REDIC1: variants seen among roughly 807,000 people sequenced by gnomAD.
REDIC1 encodes the protein HEI10 Interacting Protein 1.
chr12:39,792,310 C>T, the REDIC1 span, among the ~76,000 whole-genome samples: 194 of 150,160 alleles, frequency 1.3e-3, no homozygotes, highest in African/African-American at 4.1e-3. Flanking sequence ...AGGACACAGG[C>T]GTGGGCAAGG....
the REDIC1 span, among the ~76,000 whole-genome samples, chr12:39,879,503 A>G: frequency 6.6e-5 from 10 of 152,238 alleles, no homozygotes; most frequent in African/African-American, 2.4e-4. Flanking sequence ...CTGGATGTGG[A>G]ACATGCAGTC....
chr12:39,896,726 C>A, the REDIC1 span, among the ~76,000 whole-genome samples: 1 of 151,832 alleles, frequency 6.6e-6, no homozygotes, highest in Non-Finnish European at 1.5e-5. Flanking sequence ...TTATAGTATA[C>A]CCTAATAAAA....
At chr12:39,732,044 C>A in the REDIC1 span, among the ~76,000 whole-genome samples, 1 of 152,158 alleles carries the variant, frequency 6.6e-6, no homozygotes, top group Non-Finnish European at 1.5e-5. Flanking sequence ...CCAAAAGTAA[C>A]CATGATCTTG....
At chr12:39,757,080 C>T in the REDIC1 span, 2 of 151,672 alleles carry the variant, frequency 1.3e-5, no homozygotes, top group Admixed American at 6.6e-5. Flanking sequence ...AAATTATTAA[C>T]GGCAAACCCT....
At chr12:39,838,163 A>T in the REDIC1 span, among the ~76,000 whole-genome samples, 1 of 149,668 alleles carries the variant, frequency 6.7e-6, no homozygotes, top group Non-Finnish European at 1.5e-5. Context: ...ACGCAGCCAT[A>T]AAAAAGGATG....
chr12:39,877,793 C>A, the REDIC1 span, among the ~76,000 whole-genome samples: 1 of 152,140 alleles, frequency 6.6e-6, no homozygotes, highest in African/African-American at 2.4e-5. Context: ...TGAATTTCTT[C>A]TCAAAAAATA....
chr12:39,710,903 AT>A, the REDIC1 span, among the ~76,000 whole-genome samples: 2 of 150,946 alleles, frequency 1.3e-5, no homozygotes, highest in Non-Finnish European at 3.0e-5. Context: ...TTTTTTTTTA[AT>A]TTTTACCACA....
chr12:39,899,019 T>A, the REDIC1 span, among the ~76,000 whole-genome samples: 1 of 152,120 alleles, frequency 6.6e-6, no homozygotes, highest in Non-Finnish European at 1.5e-5. Flanking sequence ...GAGGATTCCC[T>A]CTTTTTCTAT....
the REDIC1 span, among the ~76,000 whole-genome samples, chr12:39,839,307 A>G: frequency 6.6e-6 from 1 of 152,052 alleles, no homozygotes; most frequent in Admixed American, 6.6e-5. Context: ...GCCAGAGCAT[A>G]GATGTCGGTT....
At chr12:39,731,735 C>T in the REDIC1 span, among the ~76,000 whole-genome samples, 2 of 152,098 alleles carry the variant, frequency 1.3e-5, no homozygotes, top group Admixed American at 6.6e-5. Context: ...TTTAACTCCG[C>T]TGAAGTTGTG....
the REDIC1 span, among the ~76,000 whole-genome samples, chr12:39,643,447 C>T: frequency 6.6e-6 from 1 of 151,452 alleles, no homozygotes; most frequent in Admixed American, 6.6e-5. Context: ...AAAACAAGAA[C>T]AAGATTTTAG....
chr12:39,631,928 G>A, the REDIC1 span, among the ~76,000 whole-genome samples: 1 of 152,060 alleles, frequency 6.6e-6, no homozygotes, highest in South Asian at 2.1e-4. Context: ...TTAAGTAATT[G>A]ATGATAGCAC....
chr12:39,704,033 A>G, the REDIC1 span, among the ~76,000 whole-genome samples: 1 of 152,242 alleles, frequency 6.6e-6, no homozygotes, highest in Non-Finnish European at 1.5e-5. Context: ...CATGTCTAAA[A>G]CACCAAAAGC....
the REDIC1 span, among the ~76,000 whole-genome samples, chr12:39,893,169 G>A: frequency 6.6e-6 from 1 of 152,130 alleles, no homozygotes; most frequent in African/African-American, 2.4e-5. Context: ...AACATATTCA[G>A]TCATTTAAAT....
the REDIC1 span, among the ~76,000 whole-genome samples, chr12:39,644,222 G>A: frequency 6.6e-6 from 1 of 151,658 alleles, no homozygotes; most frequent in Non-Finnish European, 1.5e-5. Context: ...TAGCTAGAGA[G>A]CAGGGAATAA....
chr12:39,886,288 C>T, the REDIC1 span, among the ~76,000 whole-genome samples: 1 of 152,004 alleles, frequency 6.6e-6, no homozygotes, highest in African/African-American at 2.4e-5. Flanking sequence ...ATATTGACAG[C>T]GCTGTGCCCT....
the REDIC1 span, among the ~76,000 whole-genome samples, chr12:39,665,019 GGTTGCCT>G: frequency 6.6e-6 from 1 of 152,118 alleles, no homozygotes; most frequent in Non-Finnish European, 1.5e-5. Context: ...CCATTCTGTA[GGTTGCCT>G]GTTCATTCTG....
the REDIC1 span, among the ~76,000 whole-genome samples, chr12:39,654,979 AT>A: frequency 6.6e-6 from 1 of 152,080 alleles, no homozygotes; most frequent in African/African-American, 2.4e-5. Flanking sequence ...TTTACTAGGA[AT>A]TTGTCCATTT....
the REDIC1 span, among the ~76,000 whole-genome samples, chr12:39,881,645 A>C: frequency 6.6e-6 from 1 of 151,838 alleles, no homozygotes; most frequent in Non-Finnish European, 1.5e-5. Context: ...GCCGTCCCAT[A>C]CTCTTTTTCT....
Sources: allele counts gnomAD v4.1 joint callset (sites outside exome capture counted in the v4.1 genomes callset), GRCh38; gene constraint gnomAD v4.1.1; transcripts MANE v1.5; gene names NCBI Gene and HGNC (gene_info 2026-07-23, HGNC 2026-07-21).